Variants in PCTP observed in about 807,000 individuals in gnomAD.
PCTP encodes phosphatidylcholine transfer protein, also known as START domain-containing protein 2.
PCTP carries 27 observed loss-of-function variants against 31.0 expected under a neutral mutation model. The ratio of observed to expected loss-of-function variants is 0.87; its 90% CI spans 0.64 to 1.20. The LOEUF (loss-of-function observed/expected upper bound fraction) is 1.20. Among genes scored for constraint, PCTP ranks in the 50% most tolerant of loss-of-function variants. PCTP has a pLI of 0.00. For missense variants in PCTP, 287 were observed against 268.2 expected (o/e 1.07, Z -0.49); for synonymous variants, 108 against 101.2 (o/e 1.07, Z -0.40).
At chr17:55,817,114 A>G (rs528745775) in intron 3 of PCTP, among the ~76,000 whole-genome samples, 15 of 152,356 alleles carry the variant, frequency 9.8e-5, no homozygotes, top group African/African-American at 3.4e-4. Flanking sequence ...GACAGAGTTA[A>G]CAGAAAACCC....
At chr17:55,760,257 T>A (rs1019201778) in intron 1 of PCTP, among the ~76,000 whole-genome samples, 2 of 152,232 alleles carry the variant, frequency 1.3e-5, no homozygotes, top group Non-Finnish European at 2.9e-5. Context: ...TTGGTTTTCC[T>A]GAAAATGTAC....
intron 3 of PCTP, 147 bp downstream of exon 3, chr17:55,771,332 T>C: frequency 1.5e-6 from 1 of 661,928 alleles, no homozygotes; most frequent in Non-Finnish European, 2.7e-6. Flanking sequence ...TTGCTAAAGA[T>C]ATTGCTTCTT....
chr17:55,757,486 A>G (rs1466176137), intron 1 of PCTP, among the ~76,000 whole-genome samples: 1 of 151,624 alleles, frequency 6.6e-6, no homozygotes, highest in Non-Finnish European at 1.5e-5. Flanking sequence ...GTATGTATAT[A>G]TATATGTGGA....
chr17:55,760,903 C>T (rs923064464), intron 1 of PCTP, among the ~76,000 whole-genome samples: 1 of 152,214 alleles, frequency 6.6e-6, no homozygotes, highest in Admixed American at 6.5e-5. Context: ...TGGCAAGTCA[C>T]TCACATTACA....
intron 3 of PCTP, among the ~76,000 whole-genome samples, chr17:55,794,131 A>G (rs1035920433): frequency 6.6e-6 from 1 of 152,192 alleles, no homozygotes; most frequent in South Asian, 2.1e-4. Context: ...CCTTTTTTGC[A>G]TCATAATAAA....
chr17:55,793,415 C>G (rs867897006), intron 3 of PCTP, among the ~76,000 whole-genome samples: 2 of 151,970 alleles, frequency 1.3e-5, no homozygotes, highest in Admixed American at 1.3e-4. Context: ...TCACTCACCC[C>G]GTTTCCCTCC....
At chr17:55,780,694 A>G (rs1911533959), downstream of PCTP, among the ~76,000 whole-genome samples, 1 of 152,214 alleles carries the variant, frequency 6.6e-6, no homozygotes, top group Non-Finnish European at 1.5e-5. Flanking sequence ...TTATGATTGC[A>G]AAGTCAGTGC....
At chr17:55,773,927 GCCAGGGGTCCC>G in intron 4 of PCTP, 32 bp downstream of exon 4, 2 of 1,558,572 alleles carry the variant, frequency 1.3e-6, no homozygotes, top group Non-Finnish European at 1.7e-6. Flanking sequence ...AGTGCACCCA[GCCAGGGGTCCC>G]CCACGGGAGG....
intron 1 of PCTP, among the ~76,000 whole-genome samples, chr17:55,763,425 T>A (rs1005352460): frequency 2.8e-4 from 43 of 152,106 alleles, no homozygotes; most frequent in African/African-American, 1.0e-3. Context: ...AAAATTTATC[T>A]GTAAGAAAAC....
intron 4 of PCTP, 103 bp downstream of exon 4, chr17:55,773,998 GT>G: frequency 7.4e-7 from 1 of 1,344,524 alleles, no homozygotes; most frequent in Non-Finnish European, 9.9e-7. Context: ...ATCCCTGAAG[GT>G]CAGAGGACAG....
chr17:55,842,445 G>A (rs1417165513), intron 5 of PCTP, among the ~76,000 whole-genome samples: 1 of 152,166 alleles, frequency 6.6e-6, no homozygotes, highest in Non-Finnish European at 1.5e-5. Flanking sequence ...TCTTGAATGG[G>A]CAGAAATTTG....
At chr17:55,796,273 ACT>A (rs1912185527) in intron 3 of PCTP, among the ~76,000 whole-genome samples, 2 of 151,904 alleles carry the variant, frequency 1.3e-5, no homozygotes, top group Non-Finnish European at 2.9e-5. Context: ...GCAAGAAGAG[ACT>A]CTCATAAATT....
At position 55,830,566 on chromosome 17, in the gene PCTP, G is replaced by A. The variant is rs565376154; in HGVS notation, n.505+7639G>A. On this transcript the variant is annotated intron_variant and non_coding_transcript_variant, in intron 5 of 5. Transcript: ENST00000576221. Reference sequence around the variant, plus strand: ...ACATTCTGACAGGAAAAATAACATCGTTTTTGTGAATCTGAAAGATGGTTT... The same window carrying A: ...ACATTCTGACAGGAAAAATAACATCATTTTTGTGAATCTGAAAGATGGTTT... Among the ~76,000 whole-genome samples the A allele has an allele frequency of 1.5e-3, 222 of 152,216 alleles. 1 individual carries two copies. The highest frequency in any genetic ancestry group is 5.0e-3 in the African/African-American group (206 of 41,520).
chr17:55,767,856 G>A (rs1262789402), intron 2 of PCTP, among the ~76,000 whole-genome samples: 1 of 151,212 alleles, frequency 6.6e-6, no homozygotes, highest in African/African-American at 2.4e-5. Flanking sequence ...ACGTGGGGAG[G>A]CTGAGGCGGA....
At chr17:55,782,031 C>T (rs79830508), downstream of PCTP, among the ~76,000 whole-genome samples, 343 of 152,272 alleles carry the variant, frequency 2.3e-3, 2 homozygotes, top group African/African-American at 7.9e-3. Flanking sequence ...CCCAGGAGAC[C>T]TCATGATATA....
intron 3 of PCTP, among the ~76,000 whole-genome samples, chr17:55,812,361 C>T (rs1383073301): frequency 6.6e-6 from 1 of 152,112 alleles, no homozygotes; most frequent in Admixed American, 6.5e-5. Context: ...TAGTATTTCC[C>T]CCATGGTACA....
At chr17:55,786,394 A>G (rs1379022333) in intron 2 of PCTP, among the ~76,000 whole-genome samples, 1 of 152,206 alleles carries the variant, frequency 6.6e-6, no homozygotes, top group Non-Finnish European at 1.5e-5. Context: ...AAAGATACCT[A>G]ATGTAAATGA....
rs1470313980 is a variant in PCTP, at chr17:55,751,308, G to A, written c.141+64G>A. 2.6e-6 allele frequency: 4 copies of A among 1,517,044 alleles called. No individual in the cohort carries two copies. The African/African-American group carries it at 5.6e-5, about 21-fold the overall frequency. The allele number at this position is 1,517,044 out of a possible 1,614,324, so 94.0% of individuals were successfully genotyped here. A position where few individuals can be genotyped will look rare whatever the true frequency, so the allele number is the denominator to read the frequency against. ...TGCGCCGGGGTCGACCTCCCCGCAG[G>A]GAGTGCGGGGCGGCAGTCGCGGAAG... is the stretch of plus-strand genomic sequence containing the variant. On this transcript the variant is annotated intron_variant, in intron 1 of 5. Coordinates refer to ENST00000268896, the MANE Select transcript of PCTP (RefSeq NM_021213.4).
At chr17:55,828,849 C>A in intron 5 of PCTP, among the ~76,000 whole-genome samples, 1 of 152,208 alleles carries the variant, frequency 6.6e-6, no homozygotes, top group East Asian at 1.9e-4. Context: ...ATTTGGACTT[C>A]TGCTTCCCAA....
Sources: allele counts gnomAD v4.1 joint callset (sites outside exome capture counted in the v4.1 genomes callset), GRCh38; gene constraint gnomAD v4.1.1; transcripts MANE v1.5; gene names NCBI Gene and HGNC (gene_info 2026-07-23, HGNC 2026-07-21).